The following CSMD1 variants were observed in gnomAD, a reference collection of about 807,000 sequenced individuals.
CSMD1 encodes the protein CUB and Sushi multiple domains 1, also known as CUB and sushi domain-containing protein 1.
A neutral mutation model predicts 417.5 loss-of-function variants in CSMD1; 213 were observed. That is an observed-to-expected ratio of 0.51 (90% CI 0.46 to 0.57). The LOEUF (loss-of-function observed/expected upper bound fraction) is 0.57, where lower values mean the gene tolerates loss of function less well. Ranked by LOEUF, CSMD1 falls within the 20% of genes least tolerant of loss-of-function variation. The pLI is 0.00. For synonymous variants in CSMD1, 2,862 were observed against 1,736.8 expected (o/e 1.65, Z -16.11); for missense variants, 6,923 against 4,529.7 (o/e 1.53, Z -15.17).
chr8:4,638,890 T>C (rs1291420136), intron 1 of CSMD1, among the ~76,000 whole-genome samples: 1 of 152,188 alleles, frequency 6.6e-6, no homozygotes, highest in East Asian at 1.9e-4. Context: ...TTTTGTGTTA[T>C]TGATTCTAAC....
chr8:4,034,052 G>A (rs746118829), intron 3 of CSMD1, among the ~76,000 whole-genome samples: 2 of 152,254 alleles, frequency 1.3e-5, no homozygotes, highest in South Asian at 4.1e-4. Context: ...ACTATTTCAT[G>A]TCTGTATCCA....
At chr8:3,336,395 G>C (rs569258909) in intron 23 of CSMD1, among the ~76,000 whole-genome samples, 10 of 152,272 alleles carry the variant, frequency 6.6e-5, no homozygotes, top group African/African-American at 2.4e-4. Flanking sequence ...CTGTTATACA[G>C]AGTCTGAAGA....
At chr8:3,150,411 G>A (rs1265144903) in intron 40 of CSMD1, among the ~76,000 whole-genome samples, 3 of 152,102 alleles carry the variant, frequency 2.0e-5, no homozygotes, top group Non-Finnish European at 4.4e-5. Context: ...TTGACCTGTC[G>A]GGCCGTCATT....
chr8:4,926,678 TTTTC>T (rs1806894111), intron 1 of CSMD1, among the ~76,000 whole-genome samples: 1 of 152,176 alleles, frequency 6.6e-6, no homozygotes, highest in Non-Finnish European at 1.5e-5. Flanking sequence ...TCTTCTGGGC[TTTTC>T]TTTTTTTTCG....
rs114415586 is a variant in CSMD1, at chr8:4,904,694, A to C, written c.85+89638T>G. Among the ~76,000 whole-genome samples, 1,080 of 152,340 alleles carry C rather than the reference A, an allele frequency of 7.1e-3. 12 individuals carry two copies. The highest frequency in any genetic ancestry group is 0.025 in the African/African-American group (1,031 of 41,578). ...TCCTTGTTAAGTACTGGGGAAAACTAAAATGGAAGAAAGTAACACAGGTAA... is the reference window on the plus strand; with the variant it reads ...TCCTTGTTAAGTACTGGGGAAAACTCAAATGGAAGAAAGTAACACAGGTAA... On this transcript the variant is annotated intron_variant, in intron 1 of 69. Transcript: ENST00000635120.
At chr8:2,976,212 C>A (rs1171050991) in intron 55 of CSMD1, among the ~76,000 whole-genome samples, 3 of 149,112 alleles carry the variant, frequency 2.0e-5, no homozygotes, top group Non-Finnish European at 4.5e-5. Context: ...GTGAGGGAAA[C>A]TCACTTGGAG....
chr8:4,402,844 A>T (rs530807905), intron 3 of CSMD1, among the ~76,000 whole-genome samples: 21 of 112,082 alleles, frequency 1.9e-4, no homozygotes, highest in Non-Finnish European at 3.0e-4. Flanking sequence ...TTTTGGAGAC[A>T]GAGCCTTGCT....
intron 23 of CSMD1, among the ~76,000 whole-genome samples, chr8:3,320,927 G>C (rs1471654669): frequency 6.6e-6 from 1 of 152,172 alleles, no homozygotes; most frequent in Non-Finnish European, 1.5e-5. Flanking sequence ...GCGTTCAGTA[G>C]CAAAATACAA....
chr8:4,285,358 C>G (rs1168020031), intron 3 of CSMD1, among the ~76,000 whole-genome samples: 2 of 152,184 alleles, frequency 1.3e-5, no homozygotes, highest in African/African-American at 4.8e-5. Flanking sequence ...CCATCTGAAA[C>G]TGCAGCCTTT....
intron 5 of CSMD1, among the ~76,000 whole-genome samples, chr8:3,804,172 T>C (rs952407432): frequency 1.3e-5 from 2 of 152,126 alleles, no homozygotes; most frequent in Non-Finnish European, 2.9e-5. Context: ...CCCCAGGTGA[T>C]CTGCCCACCT....
chr8:4,697,302 G>T (rs1272502920), intron 1 of CSMD1, among the ~76,000 whole-genome samples: 1 of 152,102 alleles, frequency 6.6e-6, no homozygotes, highest in Non-Finnish European at 1.5e-5. Context: ...GGACCACCTG[G>T]ACTTAGTTAT....
chr8:4,125,064 C>T (rs1010049192), intron 3 of CSMD1, among the ~76,000 whole-genome samples: 1 of 152,116 alleles, frequency 6.6e-6, no homozygotes, highest in African/African-American at 2.4e-5. Context: ...GTAACACTCG[C>T]CGCTGCAGTC....
At chr8:4,464,874 T>A in intron 2 of CSMD1, among the ~76,000 whole-genome samples, 1 of 152,194 alleles carries the variant, frequency 6.6e-6, no homozygotes, top group East Asian at 1.9e-4. Context: ...GTTTTATTAG[T>A]TTTTTATTAG....
intron 30 of CSMD1, 130 bp from the exon 31 acceptor site, chr8:3,205,750 C>G: frequency 2.1e-6 from 1 of 487,318 alleles, no homozygotes; most frequent in Non-Finnish European, 3.6e-6. Context: ...AAGTTAAAAT[C>G]TTGTTTTGCA....
At chr8:3,535,934 G>C (rs1428471154) in intron 10 of CSMD1, among the ~76,000 whole-genome samples, 1 of 152,138 alleles carries the variant, frequency 6.6e-6, no homozygotes, top group East Asian at 1.9e-4. Flanking sequence ...GCTAGCAGGA[G>C]AAGCCCCCAC....
At chr8:3,987,747 T>G (rs1037220206) in intron 5 of CSMD1, among the ~76,000 whole-genome samples, 3 of 152,132 alleles carry the variant, frequency 2.0e-5, no homozygotes, top group African/African-American at 4.8e-5. Context: ...AAATGGAATG[T>G]AAATATTGAC....
At chr8:4,975,989 C>A (rs187911820) in intron 1 of CSMD1, among the ~76,000 whole-genome samples, 3 of 152,274 alleles carry the variant, frequency 2.0e-5, no homozygotes, top group Non-Finnish European at 4.4e-5. Context: ...AGGTGTACAA[C>A]AGACACTCAA....
At chr8:3,152,278 A>G (rs1035162674) in intron 39 of CSMD1, among the ~76,000 whole-genome samples, 3 of 152,238 alleles carry the variant, frequency 2.0e-5, no homozygotes, top group Non-Finnish European at 4.4e-5. Context: ...TTTTACAACA[A>G]ACATGCCCAG....
Position 3,027,270 on chromosome 8 carries a change from C to T in CSMD1, c.7855+2049G>A, listed in dbSNP as rs930820382. On this transcript the variant is annotated intron_variant, in intron 51 of 69. Transcript: ENST00000635120. ...CATGTCAGCTTTCCCCAGCACACTGCATTCCCTGGTGTGGAATTGGTTCTC... is the reference window on the plus strand; with the variant it reads ...CATGTCAGCTTTCCCCAGCACACTGTATTCCCTGGTGTGGAATTGGTTCTC... Among the ~76,000 whole-genome samples the T allele has an allele frequency of 3.3e-5, 5 of 152,174 alleles. No individual in the cohort carries two copies. The South Asian group carries it at 1.0e-3, about 32-fold the overall frequency.
Sources: allele counts gnomAD v4.1 joint callset (sites outside exome capture counted in the v4.1 genomes callset), GRCh38; gene constraint gnomAD v4.1.1; transcripts MANE v1.5; gene names NCBI Gene and HGNC (gene_info 2026-07-23, HGNC 2026-07-21).